Variants in TMPRSS6 observed in about 807,000 individuals in gnomAD.
TMPRSS6 encodes transmembrane protease serine 6.
Under a neutral mutation model 101.5 loss-of-function variants are expected in TMPRSS6, and 67 were observed. The observed-to-expected ratio is 0.66, with a 90% confidence interval of 0.54 to 0.81. The LOEUF is 0.81. TMPRSS6 is among the 30% of genes least tolerant of loss of function. TMPRSS6 has a pLI of 0.00. For missense variants in TMPRSS6, 1,034 were observed against 1,088.7 expected (o/e 0.95, Z 0.71); for synonymous variants, 453 against 464.9 (o/e 0.97, Z 0.33).
At chr22:37,068,974 G>T in intron 16 of TMPRSS6, 99 bp downstream of exon 16, 1 of 1,490,594 alleles carries the variant, frequency 6.7e-7, no homozygotes, top group Non-Finnish European at 8.9e-7. Context: ...ATGGGGTGGA[G>T]CCCCGGGACC....
intron 10 of TMPRSS6, among the ~76,000 whole-genome samples, chr22:37,075,979 AAGAAAGAAAG>A (rs915960080): frequency 4.0e-4 from 61 of 150,692 alleles, no homozygotes; most frequent in Middle Eastern, 6.8e-3. Context: ...GGGAAAAAGA[AAGAAAGAAAG>A]AGAAAGAAAG....
intron 4 of TMPRSS6, 106 bp downstream of exon 4, chr22:37,096,542 C>A: frequency 7.9e-7 from 1 of 1,269,190 alleles, no homozygotes; most frequent in Non-Finnish European, 1.1e-6. Flanking sequence ...GCCTTAGTTT[C>A]CCCATTTGAA....
At chr22:37,080,804 G>A (rs372100935) in intron 10 of TMPRSS6, among the ~76,000 whole-genome samples, 1 of 152,252 alleles carries the variant, frequency 6.6e-6, no homozygotes, top group Non-Finnish European at 1.5e-5. Flanking sequence ...AGAAACTGTC[G>A]ATCCCCCCAC....
At chr22:37,094,428 T>TAG (rs1555891517) in intron 6 of TMPRSS6, among the ~76,000 whole-genome samples, 6 of 136,128 alleles carry the variant, frequency 4.4e-5, no homozygotes, top group Admixed American at 2.1e-4. Context: ...GATAGATAGA[T>TAG]ATAAACAGAC....
intron 6 of TMPRSS6, among the ~76,000 whole-genome samples, chr22:37,094,721 C>T (rs1929601761): frequency 6.6e-6 from 1 of 152,186 alleles, no homozygotes; most frequent in South Asian, 2.1e-4. Context: ...CACCTCCATC[C>T]AACAAAGAAG....
intron 10 of TMPRSS6, among the ~76,000 whole-genome samples, chr22:37,079,891 T>G (rs1437896930): frequency 6.6e-6 from 1 of 152,240 alleles, no homozygotes; most frequent in Non-Finnish European, 1.5e-5. Context: ...GGCTGCCGCC[T>G]GTGCTGGCCA....
chr22:37,079,122 T>C (rs1928056006), intron 10 of TMPRSS6, among the ~76,000 whole-genome samples: 1 of 152,218 alleles, frequency 6.6e-6, no homozygotes, highest in African/African-American at 2.4e-5. Context: ...CTGAGTTTTC[T>C]GTTTCTGCTG....
chr22:37,094,381 T>TGACAGATAGATA (rs751016869), intron 6 of TMPRSS6, among the ~76,000 whole-genome samples: 13 of 130,940 alleles, frequency 9.9e-5, no homozygotes, highest in Non-Finnish European at 2.0e-4. Flanking sequence ...TAATGATTGA[T>TGACAGATAGATA]GATAGATAGA....
At position 37,069,356 on chromosome 22, in the gene TMPRSS6, T is replaced by C; in HGVS notation, c.1842-12A>G. 1 of 123,292 alleles carries C rather than the reference T, an allele frequency of 8.1e-6. No individual in the cohort carries two copies. Among genetic ancestry groups the C allele is most frequent in the Non-Finnish European group, 1.5e-5 (1 of 67,620 alleles). 7.6% of individuals were successfully genotyped at this position (123,292 alleles called of 1,614,324 possible). On this transcript the variant is annotated splice_polypyrimidine_tract_variant and intron_variant, in intron 15 of 17. Coordinates refer to ENST00000676104, the MANE Select transcript of TMPRSS6 (RefSeq NM_001374504.1). This position sits in a 1 kb window ranked among gnomAD's most constrained non-coding sequence, Gnocchi z 4.8. ...CCGTGGAGGCCATGCTGGGGTGGGG[T>C]GGGGTGGGGTGGGGTGGGGTGAGGT...
At chr22:37,090,912 G>A (rs1209299272) in intron 6 of TMPRSS6, among the ~76,000 whole-genome samples, 2 of 152,122 alleles carry the variant, frequency 1.3e-5, no homozygotes, top group African/African-American at 4.8e-5. Context: ...TTTTCATCCT[G>A]CAGCTGGCCC....
chr22:37,075,417 CT>C (rs1245446645), intron 10 of TMPRSS6, 137 bp from the exon 11 acceptor site: 1 of 1,189,678 alleles, frequency 8.4e-7, no homozygotes, highest in Non-Finnish European at 1.2e-6. Context: ...TGATTTCTCC[CT>C]TAGATGAGTG....
chr22:37,081,508 CAA>C (rs2146093643), intron 10 of TMPRSS6, among the ~76,000 whole-genome samples: 1 of 152,302 alleles, frequency 6.6e-6, no homozygotes, highest in South Asian at 2.1e-4. Flanking sequence ...GGTAAGCAAT[CAA>C]AGATTGGGGC....
At chr22:37,084,659 C>T in intron 9 of TMPRSS6, 68 bp downstream of exon 9, 1 of 1,365,290 alleles carries the variant, frequency 7.3e-7, no homozygotes, top group Non-Finnish European at 1.0e-6. Context: ...CCCTCTCATC[C>T]CGGGTCACCA....
intron 11 of TMPRSS6, 43 bp downstream of exon 11, chr22:37,075,092 C>T: frequency 6.2e-7 from 1 of 1,613,634 alleles, no homozygotes; most frequent in Non-Finnish European, 8.5e-7. Flanking sequence ...GGCCAAGAGG[C>T]AGCGAGTCAC....
At chr22:37,098,257 T>C (rs1326846865) in intron 3 of TMPRSS6, among the ~76,000 whole-genome samples, 159 bp downstream of exon 3, 1 of 152,152 alleles carries the variant, frequency 6.6e-6, no homozygotes, top group Non-Finnish European at 1.5e-5. Flanking sequence ...AACTTTCCCA[T>C]GACCCTCAAC....
intron 6 of TMPRSS6, among the ~76,000 whole-genome samples, chr22:37,095,297 C>T (rs1209878735): frequency 6.6e-6 from 1 of 152,168 alleles, no homozygotes; most frequent in Non-Finnish European, 1.5e-5. Flanking sequence ...CTCACACCCA[C>T]ACAGGAACGC....
chr22:37,086,480 G>T, intron 7 of TMPRSS6, 61 bp from the exon 8 acceptor site: 2 of 1,538,272 alleles, frequency 1.3e-6, no homozygotes, highest in African/African-American at 2.7e-5. Flanking sequence ...GGCAGGGAGG[G>T]CGGCAGGCGG....
At chr22:37,097,812 G>A (rs1162208114) in intron 3 of TMPRSS6, among the ~76,000 whole-genome samples, 1 of 127,074 alleles carries the variant, frequency 7.9e-6, no homozygotes, top group Non-Finnish European at 1.7e-5. Context: ...CGGAGGGGCA[G>A]GAGCGGCCAC....
chr22:37,089,544 G>GCCCCA, intron 7 of TMPRSS6, 34 bp downstream of exon 7: 1 of 1,348,866 alleles, frequency 7.4e-7, no homozygotes, highest in Non-Finnish European at 1.0e-6. Context: ...CCCTTTTCCA[G>GCCCCA]CCCTCCCTCC....
Sources: allele counts gnomAD v4.1 joint callset (sites outside exome capture counted in the v4.1 genomes callset), GRCh38; gene constraint gnomAD v4.1.1; non-coding constraint Gnocchi (gnomAD v3.1); transcripts MANE v1.5; gene names NCBI Gene and HGNC (gene_info 2026-07-23, HGNC 2026-07-21).